Variants in GRM8 observed in about 807,000 individuals in gnomAD.
GRM8 encodes metabotropic glutamate receptor 8.
GRM8 carries 47 observed loss-of-function variants against 87.2 expected under a neutral mutation model. The ratio of observed to expected loss-of-function variants is 0.54; its 90% CI spans 0.43 to 0.69. GRM8 has a LOEUF of 0.69. GRM8 is among the 30% of genes least tolerant of loss of function. The pLI, the probability that GRM8 is intolerant of heterozygous loss-of-function variation, is 0.00. For missense variants in GRM8, 1,019 were observed against 1,139.2 expected, an observed-to-expected ratio of 0.89 and a Z score of 1.52; for synonymous variants, 396 against 404.5, an observed-to-expected ratio of 0.98 and a Z score of 0.25.
intron 7 of GRM8, among the ~76,000 whole-genome samples, chr7:126,651,555 C>G (rs757011104): frequency 1.3e-5 from 2 of 152,106 alleles, no homozygotes; most frequent in South Asian, 4.1e-4. Flanking sequence ...CCTGGTACCG[C>G]GACATTATGT....
At chr7:126,913,764 G>A (rs144635521) in intron 3 of GRM8, among the ~76,000 whole-genome samples, 59 of 152,150 alleles carry the variant, frequency 3.9e-4, no homozygotes, top group Middle Eastern at 6.8e-3. Context: ...CAATATTTTC[G>A]CCTCCTCATG....
At chr7:126,552,734 T>A (rs1248373863) in intron 8 of GRM8, among the ~76,000 whole-genome samples, 1 of 152,282 alleles carries the variant, frequency 6.6e-6, no homozygotes, top group Middle Eastern at 3.4e-3. Context: ...GTCTGGTTTA[T>A]CTTTAAATAG....
chr7:126,858,701 A>G (rs1211419217), intron 6 of GRM8, among the ~76,000 whole-genome samples: 1 of 152,162 alleles, frequency 6.6e-6, no homozygotes, highest in Non-Finnish European at 1.5e-5. Context: ...AAGAAAAGCA[A>G]CGCTGAAATG....
intron 2 of GRM8, among the ~76,000 whole-genome samples, chr7:127,140,572 C>T (rs913699763): frequency 6.6e-6 from 1 of 152,116 alleles, no homozygotes; most frequent in South Asian, 2.1e-4. Flanking sequence ...GTTACCTGTA[C>T]TTCAAATGCC....
chr7:127,024,120 C>T (rs915754197), intron 3 of GRM8, among the ~76,000 whole-genome samples: 11 of 152,066 alleles, frequency 7.2e-5, no homozygotes, highest in Non-Finnish European at 1.3e-4. Flanking sequence ...CACTGCACTG[C>T]TACTCATTTG....
At chr7:126,617,662 A>T (rs1799656915) in intron 7 of GRM8, among the ~76,000 whole-genome samples, 1 of 152,242 alleles carries the variant, frequency 6.6e-6, no homozygotes, top group Non-Finnish European at 1.5e-5. Context: ...TTAAGCTGAT[A>T]AGCAACTTCA....
intron 7 of GRM8, among the ~76,000 whole-genome samples, chr7:126,751,240 A>C (rs1816376504): frequency 6.6e-6 from 1 of 152,082 alleles, no homozygotes. Flanking sequence ...ACTTAACATC[A>C]ATAGTCAACA....
intron 2 of GRM8, among the ~76,000 whole-genome samples, chr7:127,117,195 C>G (rs1202128783): frequency 6.6e-6 from 1 of 152,156 alleles, no homozygotes; most frequent in Non-Finnish European, 1.5e-5. Context: ...TGTACTCAGG[C>G]AGTGAAGGCT....
At chr7:126,736,544 C>A (rs758921811) in intron 7 of GRM8, among the ~76,000 whole-genome samples, 4 of 151,944 alleles carry the variant, frequency 2.6e-5, no homozygotes, top group Admixed American at 2.0e-4. Flanking sequence ...TTTATAACTG[C>A]AAACTGGATG....
chr7:126,482,932 T>C (rs1806873708), intron 9 of GRM8, among the ~76,000 whole-genome samples: 1 of 151,702 alleles, frequency 6.6e-6, no homozygotes, highest in Non-Finnish European at 1.5e-5. Context: ...TAAAGGTTTA[T>C]GTGACAGTCT....
chr7:127,030,816 G>C (rs1466845048), intron 3 of GRM8, among the ~76,000 whole-genome samples: 1 of 151,890 alleles, frequency 6.6e-6, no homozygotes, highest in Non-Finnish European at 1.5e-5. Flanking sequence ...TTTCCTACAT[G>C]ACATCCCTTT....
At chr7:126,561,632 AATT>A (rs1411423739) in intron 8 of GRM8, among the ~76,000 whole-genome samples, 1 of 151,496 alleles carries the variant, frequency 6.6e-6, no homozygotes, top group Admixed American at 6.6e-5. Context: ...TTATTTATTT[AATT>A]ATTATTATAC....
chr7:126,897,738 CAAT>C (rs931438172), intron 6 of GRM8, among the ~76,000 whole-genome samples: 1 of 152,034 alleles, frequency 6.6e-6, no homozygotes, highest in African/African-American at 2.4e-5. Flanking sequence ...CTCTCAGAAG[CAAT>C]AATAACTACA....
chr7:126,862,279 G>T (rs1764394186), intron 6 of GRM8, among the ~76,000 whole-genome samples: 1 of 151,744 alleles, frequency 6.6e-6, no homozygotes, highest in African/African-American at 2.4e-5. Flanking sequence ...CAGTTTCTGA[G>T]ATCTCTATTC....
intron 2 of GRM8, among the ~76,000 whole-genome samples, chr7:127,135,175 G>A (rs1827880260): frequency 6.6e-6 from 1 of 151,822 alleles, no homozygotes; most frequent in African/African-American, 2.4e-5. Flanking sequence ...AGTTTACTCA[G>A]TAAATTCATA....
At chr7:126,714,706 G>A (rs562881142) in intron 7 of GRM8, among the ~76,000 whole-genome samples, 1 of 152,106 alleles carries the variant, frequency 6.6e-6, no homozygotes, top group Non-Finnish European at 1.5e-5. Context: ...AAACAATGCA[G>A]AAATCTGCAT....
intron 3 of GRM8, among the ~76,000 whole-genome samples, chr7:126,906,685 T>C (rs149667247): frequency 8.1e-4 from 124 of 152,314 alleles, no homozygotes; most frequent in African/African-American, 2.3e-3. Context: ...GGACCTAATA[T>C]GTACAGCAGA....
At chr7:126,559,074 G>A (rs1401333986) in intron 8 of GRM8, among the ~76,000 whole-genome samples, 1 of 151,996 alleles carries the variant, frequency 6.6e-6, no homozygotes, top group Non-Finnish European at 1.5e-5. Flanking sequence ...TAGGGAAATG[G>A]GCTCCAGATG....
intron 3 of GRM8, among the ~76,000 whole-genome samples, chr7:127,087,536 G>T (rs2132858462): frequency 6.6e-6 from 1 of 152,306 alleles, no homozygotes; most frequent in South Asian, 2.1e-4. Flanking sequence ...TTTATATGAG[G>T]TATCTAAAAT....
Sources: gnomAD v4.1 joint callset for allele counts (sites outside exome capture counted in the v4.1 genomes callset) on GRCh38, gnomAD v4.1.1 for gene constraint, MANE v1.5 for transcripts, NCBI Gene and HGNC (gene_info 2026-07-23, HGNC 2026-07-21) for gene names.